The following PLD1 variants were observed in gnomAD, a reference collection of about 807,000 sequenced individuals.
PLD1 encodes the protein phospholipase D1, also known as choline phosphatase 1.
In PLD1, 112 loss-of-function variants were observed where a neutral mutation model predicts 137.1. The observed-to-expected ratio is 0.82, with a 90% CI of 0.70 to 0.96. The LOEUF (loss-of-function observed/expected upper bound fraction) is 0.96, where lower values mean the gene tolerates loss of function less well. Ranked by LOEUF, PLD1 falls within the 40% of genes least tolerant of loss-of-function variation. The pLI is 0.00. For synonymous variants in PLD1, 431 were observed against 454.7 expected (o/e 0.95, Z 0.66); for missense variants, 1,321 against 1,342.0 (o/e 0.98, Z 0.24).
At chr3:171,787,350 A>T (rs902965580) in intron 1 of PLD1, among the ~76,000 whole-genome samples, 61 of 152,010 alleles carry the variant, frequency 4.0e-4, no homozygotes, top group African/African-American at 1.4e-3. Context: ...TAGATTATCT[A>T]CCCTGAGTAT....
intron 1 of PLD1, among the ~76,000 whole-genome samples, chr3:171,747,304 C>T (rs1720299023): frequency 6.6e-6 from 1 of 152,148 alleles, no homozygotes. Flanking sequence ...AGATGCATGC[C>T]TCTCCCCTCT....
intron 1 of PLD1, chr3:171,792,602 T>C (rs966723359): frequency 4.4e-6 from 2 of 456,574 alleles, no homozygotes; most frequent in African/African-American, 4.0e-5. Flanking sequence ...TGGCTGAGGC[T>C]GATGGAGCAA....
In PLD1 at chr3:171,678,177, C is replaced by T. The variant is rs372623508; in HGVS notation, c.1868-483G>A. 9.2e-5 allele frequency among the ~76,000 whole-genome samples: 14 copies of T among 152,286 alleles called. No individual in the cohort carries two copies. In the East Asian group the frequency reaches 2.7e-3, roughly 29 times the overall value. On this transcript the variant is annotated intron_variant, in intron 16 of 26. Transcript: ENST00000351298. ...CAACCAACATGGTGCACACCTGATG[C>T]ATAATTCTTTTGCATTAAAGCAAGA...
chr3:171,627,682 A>C (rs951463593), intron 23 of PLD1, among the ~76,000 whole-genome samples: 2 of 152,266 alleles, frequency 1.3e-5, no homozygotes, highest in Non-Finnish European at 2.9e-5. Flanking sequence ...AGTGCAATCA[A>C]AGTAGAACTC....
intron 25 of PLD1, among the ~76,000 whole-genome samples, chr3:171,606,539 A>T (rs577675613): frequency 1.3e-5 from 2 of 152,318 alleles, no homozygotes; most frequent in East Asian, 3.9e-4. Context: ...GGAGAGGAGG[A>T]GGAACCAGCG....
At chr3:171,678,958 T>A (rs780152084) in intron 16 of PLD1, among the ~76,000 whole-genome samples, 9 of 150,150 alleles carry the variant, frequency 6.0e-5, no homozygotes, top group Non-Finnish European at 1.0e-4. Flanking sequence ...ATCCTAATCA[T>A]CCTTCAAGAG....
At chr3:171,659,125 C>G (rs1040120403) in intron 21 of PLD1, 88 bp downstream of exon 21, 1 of 866,826 alleles carries the variant, frequency 1.2e-6, no homozygotes, top group South Asian at 1.4e-5. Context: ...TAGGAAATGA[C>G]AGTACTTTAA....
chr3:171,609,548 ACACAC>A (rs1343642578), intron 25 of PLD1, among the ~76,000 whole-genome samples: 99 of 145,148 alleles, frequency 6.8e-4, no homozygotes, highest in African/African-American at 1.6e-3. Context: ...ACACACACAC[ACACAC>A]ACCAGAGAAA....
intron 21 of PLD1, chr3:171,653,349 T>C (rs767198293): frequency 6.6e-6 from 1 of 152,244 alleles, no homozygotes; most frequent in Non-Finnish European, 1.5e-5. Context: ...AAAACAATAC[T>C]AAACTAAACA....
intron 23 of PLD1, among the ~76,000 whole-genome samples, chr3:171,627,603 G>C (rs376867888): frequency 8.6e-5 from 13 of 151,974 alleles, no homozygotes; most frequent in Admixed American, 4.6e-4. Context: ...TGACCACATA[G>C]TTGGAAGTAA....
intron 1 of PLD1, among the ~76,000 whole-genome samples, chr3:171,751,594 GAT>G (rs1331027568): frequency 6.6e-6 from 1 of 152,188 alleles, no homozygotes; most frequent in Non-Finnish European, 1.5e-5. Flanking sequence ...GAAACAATGA[GAT>G]ACTATTTTAC....
intron 22 of PLD1, among the ~76,000 whole-genome samples, chr3:171,643,862 GAAAC>G (rs2108377529): frequency 6.6e-6 from 1 of 152,110 alleles, no homozygotes; most frequent in East Asian, 1.9e-4. Context: ...CACCCTGGAG[GAAAC>G]AAACAAACAA....
chr3:171,637,032 T>G (rs1735187838), intron 23 of PLD1, among the ~76,000 whole-genome samples: 1 of 152,254 alleles, frequency 6.6e-6, no homozygotes, highest in East Asian at 1.9e-4. Context: ...GATGATTATG[T>G]GTGGTTTTTG....
intron 1 of PLD1, among the ~76,000 whole-genome samples, chr3:171,775,978 A>C (rs1397984737): frequency 6.6e-6 from 1 of 152,226 alleles, no homozygotes; most frequent in African/African-American, 2.4e-5. Flanking sequence ...CAAAGCTAGG[A>C]TGCAAACGCA....
At position 171,708,799 on chromosome 3, in the gene PLD1, A is replaced by C. The variant is rs780700956; in HGVS notation, c.1101T>G (p.Asn367Lys). The C allele has an allele frequency of 1.2e-6, 2 of 1,602,042 alleles. No individual in the cohort carries two copies. The highest frequency in any genetic ancestry group is 1.7e-6 in the Non-Finnish European group (2 of 1,168,950). ...TCTCTTCATTTGCCTCTTCCATTGC[A>C]TTTGCCACATCTTCAAAATATCCTT... ...NAKGYFEDVANAMEEANEEIF... is the reference protein window; with the variant it reads ...NAKGYFEDVAKAMEEANEEIF... Residue 367 changes from asparagine (N) to lysine (K), a missense_variant, in exon 11 of 27, where the codon AAT (asparagine) becomes AAG (lysine). Physicochemically the swap from Asn to Lys is moderately conservative, Grantham distance 94. Transcript: ENST00000351298.
chr3:171,761,728 G>C (rs539477653), intron 1 of PLD1, among the ~76,000 whole-genome samples: 2 of 152,122 alleles, frequency 1.3e-5, no homozygotes, highest in African/African-American at 2.4e-5. Context: ...ACCAGCACCT[G>C]GGCTCATTCT....
chr3:171,751,958 G>A (rs547761815), intron 1 of PLD1, among the ~76,000 whole-genome samples: 117 of 150,986 alleles, frequency 7.7e-4, no homozygotes, highest in Non-Finnish European at 1.4e-3. Flanking sequence ...AGCCGAGATC[G>A]CGCCACTGTA....
At chr3:171,611,779 G>C (rs988410483) in intron 25 of PLD1, 2 of 381,130 alleles carry the variant, frequency 5.2e-6, no homozygotes, top group Admixed American at 6.6e-5. Flanking sequence ...ACCTGGTCTA[G>C]TCCTAATTCA....
Position 171,605,650 on chromosome 3 carries a change from G to A in PLD1, c.2883-234C>T, listed in dbSNP as rs549271620. On this transcript the variant is annotated intron_variant, in intron 25 of 26. Transcript: ENST00000351298. ...TAACAAAAAATTCTCAAGCAAACAA[G>A]ACAAGTTTTAGAAGTGATATTTGAA... Among the ~76,000 whole-genome samples the A allele has an allele frequency of 6.6e-5, 10 of 152,272 alleles. No homozygotes were observed. The South Asian group carries it at 2.1e-3, about 32-fold the overall frequency.
Sources: gnomAD v4.1 joint callset for allele counts (sites outside exome capture counted in the v4.1 genomes callset) on GRCh38, gnomAD v4.1.1 for gene constraint, MANE v1.5 for transcripts, NCBI Gene and HGNC (gene_info 2026-07-23, HGNC 2026-07-21) for gene names.